NCKAP1: variants seen among roughly 807,000 people sequenced by gnomAD.
NCKAP1 encodes the protein NCK associated protein 1.
In NCKAP1, 21 loss-of-function variants were observed where a neutral mutation model predicts 151.2. That is an observed-to-expected ratio of 0.14 (90% CI 0.10 to 0.20). The LOEUF (loss-of-function observed/expected upper bound fraction) is 0.20. Among genes scored for constraint, NCKAP1 ranks in the 10% least tolerant of loss-of-function variants. The pLI is 1.00. For synonymous variants in NCKAP1, 484 were observed against 451.8 expected, an observed-to-expected ratio of 1.07 and a Z score of -0.90; for missense variants, 933 against 1,352.1, an observed-to-expected ratio of 0.69 and a Z score of 4.86.
Position 182,997,228 on chromosome 2 carries a change from T to C in NCKAP1, c.604-1390A>G, listed in dbSNP as rs567500848. On this transcript the variant is annotated intron_variant, in intron 6 of 30. Transcript: ENST00000361354. Reference sequence around the variant, plus strand: ...CTTTTTGTTTCACTGATCCTTTGTATGGTTTTTGGGTCTCAATTTCATTTA... The same window carrying C: ...CTTTTTGTTTCACTGATCCTTTGTACGGTTTTTGGGTCTCAATTTCATTTA... Among the ~76,000 whole-genome samples, 3 of 152,346 alleles carry C rather than the reference T, an allele frequency of 2.0e-5. No individual in the cohort carries two copies. In the South Asian group the frequency reaches 6.2e-4, roughly 32 times the overall value.
chr2:183,017,729 G>A (rs1385974029), intron 2 of NCKAP1, among the ~76,000 whole-genome samples: 1 of 152,158 alleles, frequency 6.6e-6, no homozygotes, highest in Non-Finnish European at 1.5e-5. Flanking sequence ...ACAGCAGTAA[G>A]TGTTTTCACA....
intron 6 of NCKAP1, among the ~76,000 whole-genome samples, chr2:182,998,242 C>CTT (rs1348376364): frequency 2.0e-5 from 3 of 152,060 alleles, no homozygotes; most frequent in African/African-American, 7.2e-5. Context: ...AAGCTAGAAG[C>CTT]TTTCCCGTAA....
intron 23 of NCKAP1, among the ~76,000 whole-genome samples, chr2:182,947,556 T>A (rs1575023109): frequency 6.6e-6 from 1 of 152,318 alleles, no homozygotes; most frequent in Admixed American, 6.5e-5. Flanking sequence ...CTAGAAATAC[T>A]TCACTATCTT....
rs1029955179 is a variant in NCKAP1, at chr2:182,910,201, A to T, written c.*15501T>A. 1 of 152,158 alleles carries T rather than the reference A, an allele frequency of 6.6e-6. No homozygotes were observed. The highest frequency in any genetic ancestry group is 6.5e-5 in the Admixed American group (1 of 15,270). 9.4% of individuals were successfully genotyped at this position (152,158 alleles called of 1,614,324 possible). On this transcript the variant is annotated 3_prime_UTR_variant, in exon 31 of 31. Coordinates refer to ENST00000361354, the MANE Select transcript of NCKAP1 (RefSeq NM_013436.5). Reference sequence around the variant, plus strand: ...TTCAAACTCAAGGAGCTGCCTCACTAAACTCTACATCATTTTGGAGTCCAA... The same window carrying T: ...TTCAAACTCAAGGAGCTGCCTCACTTAACTCTACATCATTTTGGAGTCCAA...
chr2:182,959,321 C>A (rs1012846455), intron 18 of NCKAP1, among the ~76,000 whole-genome samples: 1 of 152,054 alleles, frequency 6.6e-6, no homozygotes, highest in African/African-American at 2.4e-5. Context: ...AGAGACAGAG[C>A]TACTAGAAAG....
intron 17 of NCKAP1, among the ~76,000 whole-genome samples, chr2:182,962,909 T>C (rs1288554008): frequency 3.3e-5 from 5 of 152,054 alleles, no homozygotes; most frequent in Non-Finnish European, 7.4e-5. Context: ...TGATTGTTTT[T>C]TTCTTATCTA....
chr2:183,001,310 T>A (rs1304002176), intron 6 of NCKAP1, among the ~76,000 whole-genome samples: 1 of 152,176 alleles, frequency 6.6e-6, no homozygotes, highest in Non-Finnish European at 1.5e-5. Context: ...TTCCTTGAAG[T>A]GTTCAGAAAC....
At chr2:182,986,143 C>T in intron 10 of NCKAP1, 28 bp downstream of exon 10, 1 of 1,606,472 alleles carries the variant, frequency 6.2e-7, no homozygotes, top group Non-Finnish European at 8.5e-7. Context: ...TTGATTAAAG[C>T]TACCACGGAT....
rs756185382 is a variant in NCKAP1 at position 182,953,285 on chromosome 2, C to A, written c.2200G>T (p.Ala734Ser). ...TMYNQATQEI[A>S]KPSELLTSVR... ...CTTGTTAGAAGTTCTGAAGGTTTTGCAATTTCCTGTGTGGCTTGATTATAC... is the reference window on the plus strand; with the variant it reads ...CTTGTTAGAAGTTCTGAAGGTTTTGAAATTTCCTGTGTGGCTTGATTATAC... Residue 734 changes from alanine to serine, a missense_variant, in exon 21 of 31, where the codon GCA becomes TCA. Physicochemically the swap from Ala to Ser is moderately conservative, Grantham distance 99. Coordinates refer to ENST00000361354, the MANE Select transcript of NCKAP1 (RefSeq NM_013436.5). The A allele has an allele frequency of 1.9e-6, 3 of 1,613,672 alleles. No homozygotes were observed. Among genetic ancestry groups the A allele is most frequent in the African/African-American group, 2.7e-5 (2 of 74,996 alleles).
Position 183,003,042 on chromosome 2 carries a change from T to C in NCKAP1, c.313-12A>G, listed in dbSNP as rs374150192. The C allele has an allele frequency of 1.3e-6, 2 of 1,599,302 alleles. No individual in the cohort carries two copies. The highest frequency in any genetic ancestry group is 8.6e-7 in the Non-Finnish European group (1 of 1,169,050). Reference sequence around the variant, plus strand: ...TCACAAACATGGTCCTGAAAAGAAATACTTATTTTAATCTTTTATCTGTAT... The same window carrying C: ...TCACAAACATGGTCCTGAAAAGAAACACTTATTTTAATCTTTTATCTGTAT... On this transcript the variant is annotated splice_polypyrimidine_tract_variant and intron_variant, in intron 3 of 30. Transcript: ENST00000361354.
intron 8 of NCKAP1, among the ~76,000 whole-genome samples, chr2:182,994,303 C>T (rs1003875925): frequency 1.3e-5 from 2 of 152,112 alleles, no homozygotes; most frequent in Non-Finnish European, 2.9e-5. Flanking sequence ...CTTTGTCACT[C>T]ACTAGCTGTG....
chr2:183,021,073 T>C (rs1347204819), intron 2 of NCKAP1, among the ~76,000 whole-genome samples: 3 of 152,152 alleles, frequency 2.0e-5, no homozygotes, highest in Non-Finnish European at 4.4e-5. Flanking sequence ...TTCAACAACA[T>C]TGTACAATCA....
rs571607394 is a variant in NCKAP1, at chr2:182,932,795, C to T, written c.2859+1957G>A. On this transcript the variant is annotated intron_variant, in intron 26 of 30. Transcript: ENST00000361354. ...ATAATTCTGCACATCAGTGTCTTCT[C>T]AAGAACTGATTAGTTTTTGTCTCCT... Among the ~76,000 whole-genome samples the T allele has an allele frequency of 4.1e-4, 62 of 152,192 alleles. 1 individual carries two copies. In the South Asian group the frequency reaches 0.013, roughly 31 times the overall value.
intron 15 of NCKAP1, among the ~76,000 whole-genome samples, chr2:182,969,466 C>A (rs1697641991): frequency 1.3e-5 from 2 of 150,678 alleles, no homozygotes; most frequent in Admixed American, 1.3e-4. Context: ...GCAATAAACA[C>A]TCATATTAAT....
At chr2:182,939,388 G>C (rs1013721017) in intron 24 of NCKAP1, among the ~76,000 whole-genome samples, 3 of 152,054 alleles carry the variant, frequency 2.0e-5, no homozygotes, top group Non-Finnish European at 4.4e-5. Context: ...AATTAGCCGA[G>C]TGTGGTAGTG....
intron 15 of NCKAP1, among the ~76,000 whole-genome samples, chr2:182,972,235 AAAAAAAAAAAC>A (rs1697713442): frequency 6.6e-6 from 1 of 151,008 alleles, no homozygotes; most frequent in Non-Finnish European, 1.5e-5. Context: ...AAAAAAAAAA[AAAAAAAAAAAC>A]AAAACTGATT....
intron 1 of NCKAP1, among the ~76,000 whole-genome samples, chr2:183,032,665 C>T (rs944718940): frequency 6.6e-6 from 1 of 152,148 alleles, no homozygotes; most frequent in African/African-American, 2.4e-5. Context: ...TATCATTATG[C>T]AGAATGACTG....
Position 182,915,593 on chromosome 2 carries a change from G to A in NCKAP1, c.*10109C>T, listed in dbSNP as rs2105787262. ...AACTGCCAGTGCAATCTTGAGACTA[G>A]ATGAGGAGTTACACTGACAGGATAA... is the stretch of plus-strand genomic sequence containing the variant. On this transcript the variant is annotated 3_prime_UTR_variant, in exon 31 of 31. Transcript: ENST00000361354. 1 of 152,274 alleles carries A rather than the reference G, an allele frequency of 6.6e-6. No homozygotes were observed. The highest frequency in any genetic ancestry group is 2.1e-4 in the South Asian group (1 of 4,828). The allele number at this position is 152,274 out of a possible 1,614,324, so 9.4% of individuals were successfully genotyped here.
At chr2:183,030,852 C>T (rs959854912) in intron 1 of NCKAP1, among the ~76,000 whole-genome samples, 1 of 152,034 alleles carries the variant, frequency 6.6e-6, no homozygotes, top group African/African-American at 2.4e-5. Context: ...AACTTTATAT[C>T]AAGAGCAAAA....
Sources: gnomAD v4.1 joint callset for allele counts (sites outside exome capture counted in the v4.1 genomes callset) on GRCh38, gnomAD v4.1.1 for gene constraint, MANE v1.5 for transcripts, NCBI Gene and HGNC (gene_info 2026-07-23, HGNC 2026-07-21) for gene names.